Variants in HEATR4 observed in about 807,000 individuals in gnomAD.
HEATR4 encodes HEAT repeat-containing protein 4.
A neutral mutation model predicts 108.8 loss-of-function variants in HEATR4; 95 were observed. That is an observed-to-expected ratio of 0.87 (90% CI 0.74 to 1.04). The LOEUF (loss-of-function observed/expected upper bound fraction) is 1.04, where lower values mean the gene tolerates loss of function less well. Among genes scored for constraint, HEATR4 ranks in the 50% least tolerant of loss-of-function variants. The pLI, the probability that HEATR4 is intolerant of heterozygous loss-of-function variation, is 0.00. For missense variants in HEATR4, 1,152 were observed against 1,253.8 expected, an observed-to-expected ratio of 0.92 and a Z score of 1.23; for synonymous variants, 443 against 459.4, an observed-to-expected ratio of 0.96 and a Z score of 0.46.
the HEATR4 span, among the ~76,000 whole-genome samples, chr14:73,596,917 A>G: frequency 6.6e-6 from 1 of 151,808 alleles, no homozygotes; most frequent in East Asian, 1.9e-4. Flanking sequence ...ATTTATTAAT[A>G]TAAGCGTATT....
In HEATR4 at chr14:73,506,540, A is replaced by G. The variant is rs1359443792; in HGVS notation, c.1913T>C (p.Leu638Pro). The G allele has an allele frequency of 6.2e-7, 1 of 1,613,768 alleles. No homozygotes were observed. The highest frequency in any genetic ancestry group is 8.5e-7 in the Non-Finnish European group (1 of 1,179,978). ...TLIHTMLAVE[L>P]NSCQWKNRIV... ...CCGGTTCTTCCATTGACAGCTGTTC[A>G]GCTCCACAGCAAGCATGGTGTGTAT... Residue 638 changes from leucine to proline, a missense_variant, in exon 10 of 18, where the codon CTG (leucine) becomes CCG (proline). Physicochemically the swap from Leu to Pro is moderately conservative, Grantham distance 98. Coordinates refer to ENST00000553558, the MANE Select transcript of HEATR4 (RefSeq NM_001220484.1).
chr14:73,567,423 G>C, the HEATR4 span, among the ~76,000 whole-genome samples: 3 of 152,086 alleles, frequency 2.0e-5, no homozygotes, highest in Non-Finnish European at 4.4e-5. Context: ...GCACCAATCA[G>C]CACTCTGTGT....
the HEATR4 span, among the ~76,000 whole-genome samples, chr14:73,601,477 T>C: frequency 1.3e-5 from 2 of 152,162 alleles, no homozygotes; most frequent in South Asian, 2.1e-4. Flanking sequence ...AACAGGAGAA[T>C]TGCTGGAACC....
chr14:73,573,722 T>C, the HEATR4 span: 1 of 1,110,454 alleles, frequency 9.0e-7, no homozygotes, highest in Non-Finnish European at 1.3e-6. Flanking sequence ...TTTTAGTCAC[T>C]TCTTATAGAC....
chr14:73,498,980 CA>C, intron 13 of HEATR4, 90 bp downstream of exon 13: 1 of 1,048,930 alleles, frequency 9.5e-7, no homozygotes, highest in Non-Finnish European at 1.5e-6. Flanking sequence ...TCCTGCACTT[CA>C]CCCCATTAGA....
At chr14:73,521,520 G>T (rs1887977400) in intron 3 of HEATR4, among the ~76,000 whole-genome samples, 1 of 152,152 alleles carries the variant, frequency 6.6e-6, no homozygotes, top group Non-Finnish European at 1.5e-5. Flanking sequence ...TTTGCAGAGT[G>T]CCTGGAAAGT....
the HEATR4 span, among the ~76,000 whole-genome samples, chr14:73,587,141 AC>A: frequency 0.19 from 7,910 of 41,586 alleles, 446 homozygotes; most frequent in East Asian, 0.53. Flanking sequence ...GTAAAAAAAA[AC>A]AAAAACAAAA....
chr14:73,566,213 T>C, the HEATR4 span, among the ~76,000 whole-genome samples: 3 of 152,032 alleles, frequency 2.0e-5, no homozygotes, highest in Non-Finnish European at 4.4e-5. Flanking sequence ...TACAATCCCC[T>C]AGCTAGACAT....
chr14:73,602,696 T>C, the HEATR4 span, among the ~76,000 whole-genome samples: 3 of 152,232 alleles, frequency 2.0e-5, no homozygotes, highest in Admixed American at 2.0e-4. Flanking sequence ...CTCAGATGTA[T>C]TAGAACGTAG....
chr14:73,518,973 GC>G, intron 5 of HEATR4, 49 bp downstream of exon 5: 1 of 1,562,384 alleles, frequency 6.4e-7, no homozygotes, highest in East Asian at 2.3e-5. Context: ...ATGGGAAGTA[GC>G]CACATTCCCG....
At chr14:73,505,890 CTT>C (rs139879719) in intron 10 of HEATR4, among the ~76,000 whole-genome samples, 9 of 113,332 alleles carry the variant, frequency 7.9e-5, no homozygotes, top group Admixed American at 2.1e-4. Flanking sequence ...ATAAACGTTT[CTT>C]TTTTTTTTTT....
At chr14:73,498,845 T>C (rs1289680430) in intron 13 of HEATR4, among the ~76,000 whole-genome samples, 1 of 152,238 alleles carries the variant, frequency 6.6e-6, no homozygotes, top group Non-Finnish European at 1.5e-5. Flanking sequence ...GGGACTGTCT[T>C]GTCAGCCCTT....
intron 7 of HEATR4, 88 bp from the exon 8 acceptor site, chr14:73,509,561 C>A (rs1887072034): frequency 7.3e-7 from 1 of 1,364,394 alleles, no homozygotes; most frequent in African/African-American, 1.4e-5. Flanking sequence ...TGGTGGCCAA[C>A]CTCAGTCCCA....
chr14:73,514,289 C>CTGTGTG, intron 5 of HEATR4, 55 bp from the exon 6 acceptor site: 5 of 1,513,256 alleles, frequency 3.3e-6, no homozygotes, highest in Non-Finnish European at 4.5e-6. Flanking sequence ...GGCCCTGCCA[C>CTGTGTG]ACAGTGGCCC....
chr14:73,604,502 C>G, the HEATR4 span, among the ~76,000 whole-genome samples: 1 of 151,092 alleles, frequency 6.6e-6, no homozygotes, highest in African/African-American at 2.4e-5. Context: ...GTTTTGTTTT[C>G]TGAGCTGGAG....
intron 16 of HEATR4, 66 bp downstream of exon 16, chr14:73,495,162 C>T: frequency 6.9e-7 from 1 of 1,455,566 alleles, no homozygotes; most frequent in African/African-American, 1.4e-5. Flanking sequence ...AGTCCCAAAA[C>T]ATCCAGATCC....
At chr14:73,569,919 G>T in the HEATR4 span, 1 of 1,581,088 alleles carries the variant, frequency 6.3e-7, no homozygotes, top group Non-Finnish European at 8.6e-7. Flanking sequence ...GTGTTCGTTC[G>T]CCTTTCACTT....
At chr14:73,625,437 C>T in the HEATR4 span, among the ~76,000 whole-genome samples, 1 of 152,138 alleles carries the variant, frequency 6.6e-6, no homozygotes, top group Non-Finnish European at 1.5e-5. Flanking sequence ...TCTCGACTCA[C>T]AGCAACCTCC....
At chr14:73,619,244 C>T in the HEATR4 span, 3 of 1,582,682 alleles carry the variant, frequency 1.9e-6, no homozygotes, top group Non-Finnish European at 2.6e-6. Flanking sequence ...GTGAAAGGTC[C>T]TAGTATTGCG....
Sources: gnomAD v4.1 joint callset for allele counts (sites outside exome capture counted in the v4.1 genomes callset) on GRCh38, gnomAD v4.1.1 for gene constraint, MANE v1.5 for transcripts, NCBI Gene and HGNC (gene_info 2026-07-23, HGNC 2026-07-21) for gene names.